Variants in RARB observed in about 807,000 individuals in gnomAD.
RARB encodes retinoic acid receptor beta.
In RARB, 17 loss-of-function variants were observed where a neutral mutation model predicts 51.9. That is an observed-to-expected ratio of 0.33 (90% CI 0.22 to 0.49). The LOEUF (loss-of-function observed/expected upper bound fraction) is 0.49, where lower values mean the gene tolerates loss of function less well. Among genes scored for constraint, RARB ranks in the 20% least tolerant of loss-of-function variants. RARB has a pLI of 0.99. For missense variants in RARB, 369 were observed against 550.8 expected (o/e 0.67, Z 3.30); for synonymous variants, 215 against 195.4 (o/e 1.10, Z -0.84).
intron 4 of RARB, among the ~76,000 whole-genome samples, chr3:25,138,961 T>G (rs932873230): frequency 6.6e-6 from 1 of 152,100 alleles, no homozygotes; most frequent in Non-Finnish European, 1.5e-5. Flanking sequence ...TATTTCAAAC[T>G]TTTTCATTAT....
At chr3:25,108,550 A>G (rs1042103054) in intron 3 of RARB, among the ~76,000 whole-genome samples, 6 of 152,218 alleles carry the variant, frequency 3.9e-5, no homozygotes, top group Non-Finnish European at 8.8e-5. Context: ...TCGTAATCCT[A>G]TTGGTTAGGA....
chr3:25,422,591 G>A (rs1236455342), intron 5 of RARB, among the ~76,000 whole-genome samples: 1 of 152,074 alleles, frequency 6.6e-6, no homozygotes, highest in African/African-American at 2.4e-5. Context: ...AGGCAGAGAT[G>A]TTACCCAAAA....
chr3:25,241,750 A>G lies in RARB; in HGVS notation c.178+67175A>G, dbSNP rs113564716. 7.2e-5 allele frequency among the ~76,000 whole-genome samples: 11 copies of G among 152,236 alleles called. 1 individual carries two copies. Among genetic ancestry groups the G allele is most frequent in the African/African-American group, 2.6e-4 (11 of 41,556 alleles). On this transcript the variant is annotated intron_variant, in intron 5 of 11. Coordinates refer to the RARB transcript ENST00000383772. Reference sequence around the variant, plus strand: ...TTTGGGTTGGTTCCAAGTCTTTGCTATTGTGAATAGTGCATGTGCATACGT... The same window carrying G: ...TTTGGGTTGGTTCCAAGTCTTTGCTGTTGTGAATAGTGCATGTGCATACGT...
At chr3:25,231,474 C>T (rs1702174653) in intron 5 of RARB, among the ~76,000 whole-genome samples, 1 of 152,166 alleles carries the variant, frequency 6.6e-6, no homozygotes. Flanking sequence ...AAGCAATACT[C>T]TTTGTTAAGA....
At chr3:25,110,163 A>G (rs1699577066) in intron 3 of RARB, among the ~76,000 whole-genome samples, 1 of 152,196 alleles carries the variant, frequency 6.6e-6, no homozygotes, top group Admixed American at 6.5e-5. Context: ...CAAATGGGAT[A>G]TGGGAATTGC....
intron 4 of RARB, among the ~76,000 whole-genome samples, chr3:25,170,026 A>C (rs1575193214): frequency 6.6e-6 from 1 of 151,278 alleles, no homozygotes; most frequent in East Asian, 1.9e-4. Context: ...AAAAAAAAAG[A>C]AATTGAAGTA....
chr3:25,537,192 A>AGG (rs1240170709), intron 3 of RARB, among the ~76,000 whole-genome samples: 1 of 152,166 alleles, frequency 6.6e-6, no homozygotes, highest in Non-Finnish European at 1.5e-5. Flanking sequence ...GTGGAAGGGA[A>AGG]GGGAGGTTGG....
upstream of RARB, among the ~76,000 whole-genome samples, chr3:25,424,690 A>G (rs1438672314): frequency 6.6e-6 from 1 of 152,088 alleles, no homozygotes; most frequent in Non-Finnish European, 1.5e-5. Flanking sequence ...GGGGGGGGAT[A>G]TGTCTGCGCC....
chr3:25,304,153 C>A (rs1704103858), intron 5 of RARB, among the ~76,000 whole-genome samples: 1 of 152,156 alleles, frequency 6.6e-6, no homozygotes, highest in Admixed American at 6.5e-5. Context: ...ACTCCCATTC[C>A]ATCCCTAAAC....
chr3:24,913,455 T>C (rs907068404), intron 2 of RARB, among the ~76,000 whole-genome samples: 4 of 149,222 alleles, frequency 2.7e-5, no homozygotes, highest in Non-Finnish European at 4.4e-5. Context: ...AATTCAGAAG[T>C]ATAGCTCATA....
intron 2 of RARB, among the ~76,000 whole-genome samples, chr3:25,007,605 C>CAAACAAAAA (rs1559431425): frequency 2.5e-4 from 15 of 60,640 alleles, no homozygotes; most frequent in African/African-American, 8.1e-4. Context: ...AAAAAAAAAA[C>CAAACAAAAA]AAAAAAACCT....
intron 3 of RARB, among the ~76,000 whole-genome samples, chr3:25,514,863 C>T (rs1237468642): frequency 2.6e-5 from 4 of 152,094 alleles, no homozygotes; most frequent in Non-Finnish European, 5.9e-5. Context: ...GTGAAGGAGT[C>T]CCACTTTATG....
chr3:25,471,125 A>G (rs1695667775), intron 2 of RARB, among the ~76,000 whole-genome samples: 1 of 152,232 alleles, frequency 6.6e-6, no homozygotes, highest in African/African-American at 2.4e-5. Context: ...GCTTGGGATG[A>G]TACATTCATG....
At chr3:24,958,270 T>TG (rs1696065024) in intron 2 of RARB, among the ~76,000 whole-genome samples, 1 of 137,828 alleles carries the variant, frequency 7.3e-6, no homozygotes, top group Admixed American at 7.6e-5. Flanking sequence ...TTTTTTTTTT[T>TG]TTTTTTTTTT....
chr3:24,843,713 C>T (rs1304549988), intron 1 of RARB, among the ~76,000 whole-genome samples: 2 of 152,180 alleles, frequency 1.3e-5, no homozygotes, highest in Admixed American at 6.5e-5. Flanking sequence ...AGAACTAGGG[C>T]TCAACCCCAG....
At chr3:25,423,510 A>AC (rs955252341), upstream of RARB, among the ~76,000 whole-genome samples, 6 of 152,066 alleles carry the variant, frequency 3.9e-5, no homozygotes, top group South Asian at 2.1e-4. Flanking sequence ...AACAAACAGC[A>AC]CCCCCCCACA....
At chr3:25,571,702 C>A (rs1360956824) in intron 4 of RARB, among the ~76,000 whole-genome samples, 1 of 152,246 alleles carries the variant, frequency 6.6e-6, no homozygotes, top group Non-Finnish European at 1.5e-5. Context: ...CAGCCACCAT[C>A]AGCCCCATGA....
intron 2 of RARB, among the ~76,000 whole-genome samples, chr3:25,037,358 G>A (rs1430579387): frequency 1.3e-5 from 2 of 151,960 alleles, no homozygotes; most frequent in Non-Finnish European, 2.9e-5. Flanking sequence ...CAAATTCAGG[G>A]CAAACATGGG....
intron 2 of RARB, among the ~76,000 whole-genome samples, chr3:24,945,980 C>A (rs774371935): frequency 6.6e-6 from 1 of 152,134 alleles, no homozygotes; most frequent in Non-Finnish European, 1.5e-5. Flanking sequence ...ACTTAAGAAT[C>A]GCTGGCCAGG....
Sources: allele counts gnomAD v4.1 joint callset (sites outside exome capture counted in the v4.1 genomes callset), GRCh38; gene constraint gnomAD v4.1.1; transcripts MANE v1.5; gene names NCBI Gene and HGNC (gene_info 2026-07-23, HGNC 2026-07-21).